WWOX: variants seen among roughly 807,000 people sequenced by gnomAD.
The protein encoded by WWOX is WW domain containing oxidoreductase, also known as WW domain-containing oxidoreductase.
A neutral mutation model predicts 46.2 loss-of-function variants in WWOX; 69 were observed. The ratio of observed to expected loss-of-function variants is 1.49; its 90% CI spans 1.23 to 1.82. WWOX has a LOEUF of 1.82. Among genes scored for constraint, WWOX ranks in the 40% most tolerant of loss-of-function variants. The pLI, the probability that WWOX is intolerant of heterozygous loss-of-function variation, is 0.00. For synonymous variants in WWOX, 359 were observed against 202.6 expected (o/e 1.77, Z -6.56); for missense variants, 919 against 542.6 (o/e 1.69, Z -6.89).
intron 8 of WWOX, among the ~76,000 whole-genome samples, chr16:78,585,494 G>C (rs1378918936): frequency 3.3e-5 from 5 of 152,096 alleles, no homozygotes; most frequent in Admixed American, 6.5e-5. Flanking sequence ...CAAAGTACTT[G>C]GGGTTAATTT....
chr16:78,932,147 C>G (rs1366989701), intron 8 of WWOX, among the ~76,000 whole-genome samples: 1 of 152,208 alleles, frequency 6.6e-6, no homozygotes, highest in Non-Finnish European at 1.5e-5. Flanking sequence ...TAATACACCA[C>G]TTGAATTGCT....
At chr16:78,331,175 T>C (rs2080747955) in intron 5 of WWOX, among the ~76,000 whole-genome samples, 1 of 152,250 alleles carries the variant, frequency 6.6e-6, no homozygotes, top group South Asian at 2.1e-4. Flanking sequence ...AACGGCTTTT[T>C]GTTGCAACTA....
chr16:79,200,220 A>G (rs1567612811), intron 8 of WWOX, among the ~76,000 whole-genome samples: 1 of 152,130 alleles, frequency 6.6e-6, no homozygotes, highest in Non-Finnish European at 1.5e-5. Context: ...GGCACTAGAA[A>G]TGGAGCTCAG....
chr16:78,548,520 T>G (rs1311996649), intron 8 of WWOX, among the ~76,000 whole-genome samples: 1 of 152,202 alleles, frequency 6.6e-6, no homozygotes, highest in Non-Finnish European at 1.5e-5. Context: ...TGCAAACATT[T>G]TAACAGTACA....
intron 5 of WWOX, among the ~76,000 whole-genome samples, chr16:78,233,441 C>G (rs1226270146): frequency 2.0e-5 from 3 of 151,984 alleles, no homozygotes; most frequent in African/African-American, 7.2e-5. Context: ...ATTGGACTTT[C>G]AGCCTCCCTG....
Position 78,578,278 on chromosome 16 carries a change from A to ATTT in WWOX, c.1056+145527_1056+145528insTTT, listed in dbSNP as rs2044949393. Among the ~76,000 whole-genome samples the ATTT allele has an allele frequency of 3.5e-3, 118 of 33,810 alleles. 2 individuals carry two copies. Among genetic ancestry groups the ATTT allele is most frequent in the African/African-American group, 0.014 (100 of 7,292 alleles). The allele number at this position is 33,810 out of a possible 152,430, so 22.2% of individuals were successfully genotyped here. The stretch of plus-strand genomic sequence containing the variant: ...TTTATATATATATATATATATATAT[A>ATTT]TATATATTTTTTTTTTTTTTTTTTT... On this transcript the variant is annotated intron_variant, in intron 8 of 8. Transcript: ENST00000566780.
At chr16:78,127,743 C>A (rs142513117) in intron 4 of WWOX, among the ~76,000 whole-genome samples, 4 of 152,140 alleles carry the variant, frequency 2.6e-5, no homozygotes, top group Non-Finnish European at 5.9e-5. Flanking sequence ...TAGAAATGCT[C>A]AACTTTGCTG....
At chr16:78,834,238 C>A (rs895070520) in intron 8 of WWOX, among the ~76,000 whole-genome samples, 33 of 152,142 alleles carry the variant, frequency 2.2e-4, no homozygotes, top group Admixed American at 1.8e-3. Context: ...GTTCTGATAG[C>A]AAACATGGAG....
intron 8 of WWOX, chr16:78,890,462 A>C (rs931974473): frequency 6.6e-6 from 1 of 151,746 alleles, no homozygotes; most frequent in African/African-American, 2.4e-5. Context: ...CCCCAGCCCC[A>C]GTCAGGAGGG....
intron 8 of WWOX, among the ~76,000 whole-genome samples, chr16:79,000,312 C>T (rs1406438939): frequency 6.6e-6 from 1 of 152,174 alleles, no homozygotes; most frequent in African/African-American, 2.4e-5. Flanking sequence ...GATGTCCAGG[C>T]CCTACTCCTA....
intron 8 of WWOX, among the ~76,000 whole-genome samples, chr16:78,640,141 G>GA (rs950820697): frequency 6.6e-6 from 1 of 151,870 alleles, no homozygotes; most frequent in African/African-American, 2.4e-5. Context: ...GGTTTGGAGG[G>GA]AGGCCGATAG....
intron 8 of WWOX, among the ~76,000 whole-genome samples, chr16:78,771,551 C>T (rs987283675): frequency 6.6e-6 from 1 of 152,056 alleles, no homozygotes; most frequent in Non-Finnish European, 1.5e-5. Flanking sequence ...ATGGGCGGAT[C>T]ACTTGAGGTC....
intron 5 of WWOX, among the ~76,000 whole-genome samples, chr16:78,182,814 G>C (rs2035572389): frequency 6.6e-6 from 1 of 151,986 alleles, no homozygotes; most frequent in Admixed American, 6.6e-5. Context: ...AGCAGGGCAT[G>C]GTGGCGGGTA....
At chr16:78,391,763 G>C (rs2082177842) in intron 6 of WWOX, among the ~76,000 whole-genome samples, 1 of 152,108 alleles carries the variant, frequency 6.6e-6, no homozygotes, top group Non-Finnish European at 1.5e-5. Context: ...CATGAGAATT[G>C]CTTGAGCTCT....
intron 8 of WWOX, among the ~76,000 whole-genome samples, chr16:79,193,671 C>T (rs7189876): frequency 0.21 from 31,754 of 152,068 alleles, 3,473 homozygotes; most frequent in Middle Eastern, 0.31. Flanking sequence ...GGTCACCTAG[C>T]CAGCAAAGAC....
chr16:78,852,965 T>C (rs12448376), intron 8 of WWOX, among the ~76,000 whole-genome samples: 1 of 152,070 alleles, frequency 6.6e-6, no homozygotes, highest in African/African-American at 2.4e-5. Context: ...TCAGATGAAC[T>C]GCAATTTATA....
intron 8 of WWOX, among the ~76,000 whole-genome samples, chr16:78,513,258 T>C (rs2085407637): frequency 6.6e-6 from 1 of 152,226 alleles, no homozygotes; most frequent in East Asian, 1.9e-4. Context: ...TTATCTCTTC[T>C]ATGTAAGTAG....
intron 8 of WWOX, among the ~76,000 whole-genome samples, chr16:79,138,112 A>T (rs573527191): frequency 1.3e-5 from 2 of 152,324 alleles, no homozygotes; most frequent in African/African-American, 2.4e-5. Context: ...AGCAGGGGCC[A>T]CAGCCAGAAA....
chr16:78,901,694 G>T (rs1044009242), intron 8 of WWOX, among the ~76,000 whole-genome samples: 7 of 152,136 alleles, frequency 4.6e-5, no homozygotes, highest in African/African-American at 1.7e-4. Flanking sequence ...TTTTCATGTT[G>T]CCCAGGCTGG....
Sources: allele counts gnomAD v4.1 joint callset (sites outside exome capture counted in the v4.1 genomes callset), GRCh38; gene constraint gnomAD v4.1.1; transcripts MANE v1.5; gene names NCBI Gene and HGNC (gene_info 2026-07-23, HGNC 2026-07-21).